Variants in EDIL3 observed in about 807,000 individuals in gnomAD.
EDIL3 encodes EGF like and discoidin domains 3.
A neutral mutation model predicts 67.4 loss-of-function variants in EDIL3; 37 were observed. The ratio of observed to expected loss-of-function variants is 0.55; its 90% CI spans 0.42 to 0.72. The LOEUF is 0.72. Among genes scored for constraint, EDIL3 ranks in the 30% least tolerant of loss-of-function variants. EDIL3 has a pLI of 0.00. For missense variants in EDIL3, 527 were observed against 586.3 expected (o/e 0.90, Z 1.04); for synonymous variants, 195 against 196.3 (o/e 0.99, Z 0.05).
At chr5:84,244,541 G>C (rs1189218472) in intron 2 of EDIL3, among the ~76,000 whole-genome samples, 1 of 151,160 alleles carries the variant, frequency 6.6e-6, no homozygotes, top group Non-Finnish European at 1.5e-5. Flanking sequence ...TGCCCGCCTT[G>C]GTCTCCCAAA....
chr5:84,316,424 A>G (rs2112149833), intron 1 of EDIL3, among the ~76,000 whole-genome samples: 1 of 152,326 alleles, frequency 6.6e-6, no homozygotes, highest in Middle Eastern at 3.4e-3. Context: ...AGATCTACAA[A>G]GCAAATGAAA....
At chr5:84,209,634 T>C (rs1471202830) in intron 3 of EDIL3, among the ~76,000 whole-genome samples, 2 of 102,442 alleles carry the variant, frequency 2.0e-5, no homozygotes, top group African/African-American at 3.5e-5. Flanking sequence ...ACTAAACTTA[T>C]TAAAAAAAAA....
chr5:84,145,636 A>C (rs1004511166), intron 4 of EDIL3, among the ~76,000 whole-genome samples: 6 of 152,142 alleles, frequency 3.9e-5, no homozygotes, highest in African/African-American at 1.4e-4. Flanking sequence ...CATATCACTC[A>C]GACTAGGTAG....
In EDIL3 at chr5:84,220,936, C is replaced by T. The variant is rs913838371; in HGVS notation, c.226+8919G>A. Among the ~76,000 whole-genome samples the T allele has an allele frequency of 3.3e-5, 5 of 151,870 alleles. No homozygotes were observed. In the South Asian group the frequency reaches 1.0e-3, roughly 31 times the overall value. On this transcript the variant is annotated intron_variant, in intron 3 of 10. Coordinates refer to ENST00000296591, the MANE Select transcript of EDIL3 (RefSeq NM_005711.5). ...CAGTGTTAATACTAAGATAAATTTT[C>T]GCCACAGAAGATAGAACAGAAATAT... is the stretch of plus-strand genomic sequence containing the variant.
chr5:84,268,333 A>T (rs749532770), intron 1 of EDIL3, among the ~76,000 whole-genome samples: 5 of 152,274 alleles, frequency 3.3e-5, no homozygotes, highest in Non-Finnish European at 7.4e-5. Context: ...AACAAAGTCA[A>T]CTATGCATTC....
intron 1 of EDIL3, among the ~76,000 whole-genome samples, chr5:84,272,396 T>C (rs1745494253): frequency 6.6e-6 from 1 of 152,028 alleles, no homozygotes; most frequent in African/African-American, 2.4e-5. Flanking sequence ...AAATATACGC[T>C]AAAGTCCTTT....
intron 1 of EDIL3, among the ~76,000 whole-genome samples, chr5:84,341,510 T>C (rs956261449): frequency 6.6e-6 from 1 of 152,136 alleles, no homozygotes; most frequent in Non-Finnish European, 1.5e-5. Context: ...GTGTTCCTAA[T>C]CTTTCTATAA....
intron 3 of EDIL3, among the ~76,000 whole-genome samples, chr5:84,213,827 A>C (rs562707690): frequency 6.6e-6 from 1 of 152,284 alleles, no homozygotes; most frequent in African/African-American, 2.4e-5. Flanking sequence ...TGTCCACGTA[A>C]TCTTGAAAAT....
At chr5:83,963,481 T>G (rs1744641189) in intron 9 of EDIL3, 121 bp from the exon 10 acceptor site, 1 of 1,161,420 alleles carries the variant, frequency 8.6e-7, no homozygotes, top group Non-Finnish European at 1.1e-6. Flanking sequence ...TCTAGTTATT[T>G]GTATTTTGAA....
At chr5:84,282,225 C>T (rs1053400573) in intron 1 of EDIL3, among the ~76,000 whole-genome samples, 2 of 151,988 alleles carry the variant, frequency 1.3e-5, no homozygotes, top group East Asian at 1.9e-4. Flanking sequence ...TCTCTGTGTG[C>T]CCCTCTTTTA....
intron 6 of EDIL3, among the ~76,000 whole-genome samples, chr5:84,082,544 C>T (rs754680802): frequency 1.3e-5 from 2 of 152,116 alleles, no homozygotes; most frequent in Non-Finnish European, 2.9e-5. Context: ...TAGATATTAT[C>T]AAGGGACAAC....
intron 1 of EDIL3, among the ~76,000 whole-genome samples, chr5:84,289,010 C>T (rs527871579): frequency 6.6e-6 from 1 of 152,204 alleles, no homozygotes; most frequent in South Asian, 2.1e-4. Flanking sequence ...AGAAACGCAG[C>T]TCAAAGCTTG....
At chr5:83,991,891 T>C (rs1745157193) in intron 9 of EDIL3, among the ~76,000 whole-genome samples, 1 of 152,166 alleles carries the variant, frequency 6.6e-6, no homozygotes, top group Admixed American at 6.5e-5. Flanking sequence ...TCTGTCTTGA[T>C]GAACCTATTT....
intron 5 of EDIL3, among the ~76,000 whole-genome samples, chr5:84,110,285 T>G (rs980157194): frequency 2.0e-5 from 3 of 152,182 alleles, no homozygotes; most frequent in Admixed American, 6.5e-5. Flanking sequence ...CAAATGGATG[T>G]CATCACAATA....
chr5:83,979,684 A>C (rs529141904), intron 9 of EDIL3, among the ~76,000 whole-genome samples: 1 of 152,234 alleles, frequency 6.6e-6, no homozygotes, highest in African/African-American at 2.4e-5. Context: ...TTAAGGTAGC[A>C]TAGAAAGGTA....
chr5:83,958,351 T>C (rs1744550807), intron 10 of EDIL3, among the ~76,000 whole-genome samples: 1 of 151,556 alleles, frequency 6.6e-6, no homozygotes. Context: ...CAGACAATTA[T>C]GGTAACTACT....
At chr5:84,357,980 T>C (rs1747522525) in intron 1 of EDIL3, among the ~76,000 whole-genome samples, 1 of 151,264 alleles carries the variant, frequency 6.6e-6, no homozygotes, top group Admixed American at 6.6e-5. Flanking sequence ...CCCAGGCTGC[T>C]GGAGAGAATT....
chr5:84,209,935 G>T (rs1744081048), intron 3 of EDIL3, among the ~76,000 whole-genome samples: 1 of 152,162 alleles, frequency 6.6e-6, no homozygotes. Flanking sequence ...CTTGGCTCTT[G>T]TTACCTGAAT....
At chr5:84,084,441 T>G (rs1747031662) in intron 6 of EDIL3, among the ~76,000 whole-genome samples, 1 of 152,186 alleles carries the variant, frequency 6.6e-6, no homozygotes. Context: ...TTCTCATCAC[T>G]GACTAGATTC....
Sources: gnomAD v4.1 joint callset for allele counts (sites outside exome capture counted in the v4.1 genomes callset) on GRCh38, gnomAD v4.1.1 for gene constraint, MANE v1.5 for transcripts, NCBI Gene and HGNC (gene_info 2026-07-23, HGNC 2026-07-21) for gene names.